The following PATJ variants were observed in gnomAD, a reference collection of about 807,000 sequenced individuals.
The protein encoded by PATJ is PATJ crumbs cell polarity complex component, also known as inaD-like protein.
In PATJ, 190 loss-of-function variants were observed where a neutral mutation model predicts 224.9. The observed-to-expected ratio is 0.84, with a 90% CI of 0.75 to 0.95. The LOEUF is 0.95. PATJ is among the 40% of genes least tolerant of loss of function. The pLI, the probability that PATJ is intolerant of heterozygous loss-of-function variation, is 0.00. For synonymous variants in PATJ, 769 were observed against 820.3 expected, an observed-to-expected ratio of 0.94 and a Z score of 1.07; for missense variants, 2,121 against 2,270.3, an observed-to-expected ratio of 0.93 and a Z score of 1.34.
intron 14 of PATJ, among the ~76,000 whole-genome samples, chr1:61,815,226 G>C (rs1655864269): frequency 6.6e-6 from 1 of 152,176 alleles, no homozygotes; most frequent in South Asian, 2.1e-4. Context: ...GTGGGAAAGG[G>C]CTTGTGTGTT....
chr1:61,871,421 ATG>A (rs1666420954), intron 20 of PATJ, among the ~76,000 whole-genome samples: 1 of 130,674 alleles, frequency 7.7e-6, no homozygotes, highest in African/African-American at 2.8e-5. Flanking sequence ...ATACATATAT[ATG>A]TACATATATA....
In PATJ at chr1:62,110,999, C is replaced by T. The variant is rs149208662; in HGVS notation, c.4461+2479C>T. On this transcript the variant is annotated intron_variant, in intron 34 of 43. Coordinates refer to ENST00000642238, the MANE Select transcript of PATJ (RefSeq NM_001350145.3). ...GCCATGATATTTCTCTCATGATTAT[C>T]GGCACATTTCGTGGTATCTCCTGAT... is the stretch of plus-strand genomic sequence containing the variant. Among the ~76,000 whole-genome samples the T allele has an allele frequency of 7.4e-3, 1,130 of 152,302 alleles. 12 individuals are homozygous for T. The highest frequency in any genetic ancestry group is 0.026 in the African/African-American group (1,075 of 41,556).
At chr1:61,742,747 C>T (rs1284829192) in intron 1 of PATJ, among the ~76,000 whole-genome samples, 192 bp downstream of exon 1, 1 of 150,812 alleles carries the variant, frequency 6.6e-6, no homozygotes, top group East Asian at 2.0e-4. Flanking sequence ...AGAGGGGCCG[C>T]GGCGAGGATG....
At chr1:62,059,177 A>C (rs968229769) in intron 31 of PATJ, among the ~76,000 whole-genome samples, 1 of 152,178 alleles carries the variant, frequency 6.6e-6, no homozygotes, top group African/African-American at 2.4e-5. Context: ...AGGAAGTGAA[A>C]ACCACCAAGT....
chr1:61,881,025 C>T (rs1317211378), intron 21 of PATJ, among the ~76,000 whole-genome samples: 9 of 152,124 alleles, frequency 5.9e-5, no homozygotes, highest in African/African-American at 4.8e-5. Context: ...ACCTGGGAGG[C>T]GGAGGTTGCA....
intron 27 of PATJ, among the ~76,000 whole-genome samples, chr1:61,981,734 C>T (rs1278220458): frequency 2.0e-5 from 3 of 151,212 alleles, no homozygotes; most frequent in African/African-American, 7.3e-5. Flanking sequence ...TGCAGTGACA[C>T]AATCTCGGCT....
intron 5 of PATJ, 87 bp from the exon 6 acceptor site, chr1:61,771,344 A>G (rs1646596519): frequency 1.4e-6 from 1 of 696,330 alleles, no homozygotes; most frequent in East Asian, 2.9e-5. Flanking sequence ...AAGTAGTACC[A>G]TAGGCAACAA....
intron 26 of PATJ, among the ~76,000 whole-genome samples, chr1:61,918,263 A>T (rs1012989123): frequency 2.7e-5 from 4 of 148,536 alleles, no homozygotes; most frequent in African/African-American, 9.9e-5. Flanking sequence ...TATTAATATC[A>T]CCTAAGTTTT....
At chr1:61,906,309 A>T (rs1054682454) in intron 24 of PATJ, among the ~76,000 whole-genome samples, 20 of 152,100 alleles carry the variant, frequency 1.3e-4, no homozygotes, top group African/African-American at 4.8e-4. Context: ...GTTTTTACAG[A>T]GCTTCATCTC....
chr1:62,089,569 A>G (rs562919579), intron 33 of PATJ, among the ~76,000 whole-genome samples: 33 of 152,282 alleles, frequency 2.2e-4, no homozygotes, highest in Non-Finnish European at 4.3e-4. Flanking sequence ...CAGGAGAAAT[A>G]TATAGGCCTG....
chr1:62,119,679 C>T (rs2013239), intron 37 of PATJ, among the ~76,000 whole-genome samples: 34,304 of 152,048 alleles, frequency 0.23, 5,848 homozygotes, highest in East Asian at 0.73. Flanking sequence ...TGGTGGCTCA[C>T]ATCTGTAATC....
At chr1:61,906,288 G>A (rs1671846987) in intron 24 of PATJ, among the ~76,000 whole-genome samples, 1 of 152,122 alleles carries the variant, frequency 6.6e-6, no homozygotes, top group South Asian at 2.1e-4. Context: ...ATCAAATCTT[G>A]TTGTTCAAGG....
chr1:61,760,460 A>G (rs1474629210), intron 1 of PATJ, among the ~76,000 whole-genome samples: 1 of 152,192 alleles, frequency 6.6e-6, no homozygotes, highest in African/African-American at 2.4e-5. Flanking sequence ...ATCACTGAAA[A>G]TGTCTCATTT....
intron 29 of PATJ, among the ~76,000 whole-genome samples, chr1:62,024,657 AACACACACACACACACACACACACACAC>A (rs10605703): frequency 6.3e-4 from 68 of 107,644 alleles, no homozygotes; most frequent in South Asian, 1.3e-3. Context: ...CCCACCTCCC[AACACACACACACACACACACACACACAC>A]ACACACACAC....
intron 15 of PATJ, among the ~76,000 whole-genome samples, chr1:61,824,650 C>T (rs1570727739): frequency 1.3e-5 from 2 of 152,122 alleles, no homozygotes; most frequent in African/African-American, 4.8e-5. Context: ...GTCTTGAACT[C>T]CTGGCCTCAA....
intron 17 of PATJ, among the ~76,000 whole-genome samples, chr1:61,853,577 A>G (rs891043208): frequency 1.3e-5 from 2 of 152,186 alleles, no homozygotes; most frequent in African/African-American, 4.8e-5. Context: ...GACATCCTAA[A>G]TGAAGGAAAT....
chr1:61,785,114 A>G (rs1297245409), intron 7 of PATJ, among the ~76,000 whole-genome samples: 1 of 152,230 alleles, frequency 6.6e-6, no homozygotes, highest in African/African-American at 2.4e-5. Context: ...GGTTTTTTAA[A>G]AAACTTCTTC....
chr1:61,951,053 G>A (rs1483896440), intron 27 of PATJ, among the ~76,000 whole-genome samples: 1 of 152,136 alleles, frequency 6.6e-6, no homozygotes, highest in East Asian at 1.9e-4. Context: ...ATCTGAGGCA[G>A]GAGAATTGCT....
Position 61,816,173 on chromosome 1 carries a change from A to C in PATJ, c.1684-6772A>C, listed in dbSNP as rs139241022. The stretch of plus-strand genomic sequence containing the variant: ...AACCACTTTATAATGAACAAATATA[A>C]TTTTTAAGGCAAGAGGGATGTACTG... On this transcript the variant is annotated intron_variant, in intron 14 of 43. Coordinates refer to ENST00000642238, the MANE Select transcript of PATJ (RefSeq NM_001350145.3). Among the ~76,000 whole-genome samples the C allele has an allele frequency of 2.4e-3, 365 of 152,308 alleles. 3 individuals are homozygous for C. The highest frequency in any genetic ancestry group is 8.1e-3 in the African/African-American group (336 of 41,572).
Sources: allele counts gnomAD v4.1 joint callset (sites outside exome capture counted in the v4.1 genomes callset), GRCh38; gene constraint gnomAD v4.1.1; transcripts MANE v1.5; gene names NCBI Gene and HGNC (gene_info 2026-07-23, HGNC 2026-07-21).